Variants in CXADR observed in about 807,000 individuals in gnomAD.
CXADR encodes CXADR cell adhesion molecule, also known as coxsackievirus and adenovirus receptor.
CXADR carries 20 observed loss-of-function variants against 40.3 expected under a neutral mutation model. The ratio of observed to expected loss-of-function variants is 0.50; its 90% CI spans 0.35 to 0.72. CXADR has a LOEUF of 0.72. Among genes scored for constraint, CXADR ranks in the 30% least tolerant of loss-of-function variants. The pLI is 0.01. For missense variants in CXADR, 332 were observed against 449.1 expected (o/e 0.74, Z 2.36); for synonymous variants, 150 against 161.3 (o/e 0.93, Z 0.53).
the CXADR span, among the ~76,000 whole-genome samples, chr21:17,607,520 T>C: frequency 6.6e-6 from 1 of 152,184 alleles, no homozygotes; most frequent in Non-Finnish European, 1.5e-5. Context: ...AAAAGGAAAA[T>C]AAACTATTTT....
At chr21:17,631,186 T>A in the CXADR span, among the ~76,000 whole-genome samples, 1 of 152,202 alleles carries the variant, frequency 6.6e-6, no homozygotes, top group Non-Finnish European at 1.5e-5. Context: ...AACTTACCAT[T>A]TTTTTCTTGA....
rs61583561 is a variant in CXADR at position 17,580,359 on chromosome 21, C to T, written c.1018-12793C>T. Reference sequence around the variant, plus strand: ...CCAGGCCAGGCGTGTTGGCTAACACCTATAATCCCGGCACTTTGGGAGGCC... The same window carrying T: ...CCAGGCCAGGCGTGTTGGCTAACACTTATAATCCCGGCACTTTGGGAGGCC... On this transcript the variant is annotated intron_variant, in intron 7 of 7. Coordinates refer to the CXADR transcript ENST00000400169. Among the ~76,000 whole-genome samples the T allele has an allele frequency of 2.6e-3, 394 of 152,244 alleles. 1 individual carries two copies. The highest frequency in any genetic ancestry group is 9.3e-3 in the African/African-American group (386 of 41,540).
the CXADR span, among the ~76,000 whole-genome samples, chr21:17,602,025 G>GAC: frequency 6.6e-6 from 1 of 151,928 alleles, no homozygotes; most frequent in African/African-American, 2.4e-5. Context: ...AGAATTAGTA[G>GAC]ACACCTGGAC....
intron 1 of CXADR, among the ~76,000 whole-genome samples, chr21:17,534,803 T>TTTTTTTTTTTTTA (rs397766522): frequency 1.3e-5 from 2 of 150,604 alleles, no homozygotes; most frequent in Admixed American, 6.6e-5. Context: ...TTTTTTTTTT[T>TTTTTTTTTTTTTA]GAGAAGGACT....
At chr21:17,528,207 G>T (rs2060623283) in intron 1 of CXADR, among the ~76,000 whole-genome samples, 1 of 150,662 alleles carries the variant, frequency 6.6e-6, no homozygotes, top group South Asian at 2.1e-4. Context: ...TCGAGTAGCT[G>T]GGACTACAGG....
At chr21:17,581,554 A>G (rs2061359606) in intron 7 of CXADR, among the ~76,000 whole-genome samples, 1 of 152,174 alleles carries the variant, frequency 6.6e-6, no homozygotes, top group African/African-American at 2.4e-5. Context: ...GTTTAAAAAC[A>G]TTTGTAGGAC....
intron 1 of CXADR, among the ~76,000 whole-genome samples, chr21:17,543,484 C>G (rs561629713): frequency 1.3e-3 from 192 of 152,228 alleles, no homozygotes; most frequent in African/African-American, 4.5e-3. Flanking sequence ...TCTAAAAACA[C>G]ACAGTAACCC....
chr21:17,572,107 A>C (rs2061281862), downstream of CXADR, among the ~76,000 whole-genome samples: 1 of 152,022 alleles, frequency 6.6e-6, no homozygotes, highest in Admixed American at 6.6e-5. Context: ...CACGCCTGTA[A>C]TCCCAGCACT....
At chr21:17,574,332 C>T (rs896810991), downstream of CXADR, among the ~76,000 whole-genome samples, 1 of 152,146 alleles carries the variant, frequency 6.6e-6, no homozygotes, top group Non-Finnish European at 1.5e-5. Context: ...TAGGAATGCT[C>T]TATACATAGT....
chr21:17,555,480 A>G (rs937465394), intron 3 of CXADR, among the ~76,000 whole-genome samples: 1 of 152,220 alleles, frequency 6.6e-6, no homozygotes, highest in South Asian at 2.1e-4. Context: ...ATCTTACAAA[A>G]TCATATTATA....
At chr21:17,528,257 G>A (rs1383082240) in intron 1 of CXADR, among the ~76,000 whole-genome samples, 2 of 151,210 alleles carry the variant, frequency 1.3e-5, no homozygotes, top group Non-Finnish European at 2.9e-5. Flanking sequence ...TGTATTTTTA[G>A]TAAAGACGGG....
At position 17,568,592 on chromosome 21, in the gene CXADR, T is replaced by C; in HGVS notation, c.*2900T>C. 1.0e-6 allele frequency: 1 copy of C among 975,068 alleles called. No individual in the cohort carries two copies. The highest frequency in any genetic ancestry group is 4.8e-5 in the South Asian group (1 of 21,022). 60.4% of individuals were successfully genotyped at this position (975,068 alleles called of 1,614,324 possible). On this transcript the variant is annotated 3_prime_UTR_variant, in exon 7 of 7. Transcript: ENST00000284878. ...TTTTTTTTAAGAGATAGGGTTTCAC[T>C]ATTGCTCAGGCTGGTCTCAAACTGC...
intron 3 of CXADR, among the ~76,000 whole-genome samples, chr21:17,552,776 A>T (rs1035387228): frequency 6.6e-6 from 1 of 152,292 alleles, no homozygotes; most frequent in East Asian, 1.9e-4. Context: ...GGAAAAGCTG[A>T]TGCTAGAATT....
At chr21:17,561,497 T>C (rs377231273) in intron 6 of CXADR, 21 bp downstream of exon 6, 1 of 1,593,930 alleles carries the variant, frequency 6.3e-7, no homozygotes, top group Non-Finnish European at 8.6e-7. Context: ...GAGACAGGAG[T>C]TGACTGATGT....
At chr21:17,604,803 G>A in the CXADR span, 1 of 1,572,486 alleles carries the variant, frequency 6.4e-7, no homozygotes, top group East Asian at 2.3e-5. Context: ...ATGACAGAAT[G>A]TCATAAAATT....
intron 1 of CXADR, among the ~76,000 whole-genome samples, chr21:17,535,541 G>A (rs1377564494): frequency 6.6e-6 from 1 of 152,082 alleles, no homozygotes; most frequent in African/African-American, 2.4e-5. Context: ...TTCGAATTCA[G>A]CATTCACATT....
chr21:17,537,171 A>T (rs1319309601), intron 1 of CXADR, among the ~76,000 whole-genome samples: 2 of 152,244 alleles, frequency 1.3e-5, no homozygotes, highest in African/African-American at 4.8e-5. Flanking sequence ...TGTTCCACAC[A>T]TGTGGACTGA....
the CXADR span, among the ~76,000 whole-genome samples, chr21:17,626,059 T>C: frequency 6.6e-6 from 1 of 152,232 alleles, no homozygotes; most frequent in Non-Finnish European, 1.5e-5. Context: ...GTTATGGGTT[T>C]CAGCCAGTGA....
At chr21:17,559,223 C>G in intron 4 of CXADR, 92 bp downstream of exon 4, 1 of 1,337,846 alleles carries the variant, frequency 7.5e-7, no homozygotes, top group African/African-American at 1.4e-5. Context: ...GGGCCTTGCT[C>G]TGTCACCCAG....
Sources: gnomAD v4.1 joint callset for allele counts (sites outside exome capture counted in the v4.1 genomes callset) on GRCh38, gnomAD v4.1.1 for gene constraint, MANE v1.5 for transcripts, NCBI Gene and HGNC (gene_info 2026-07-23, HGNC 2026-07-21) for gene names.